The following RAB3C variants were observed in gnomAD, a reference collection of about 807,000 sequenced individuals.
RAB3C encodes the protein ras-related protein Rab-3C.
Under a neutral mutation model 26.4 loss-of-function variants are expected in RAB3C, and 17 were observed. The observed-to-expected ratio is 0.64, with a 90% confidence interval of 0.44 to 0.97. The LOEUF (loss-of-function observed/expected upper bound fraction) is 0.97. Ranked by LOEUF, RAB3C falls within the 50% of genes least tolerant of loss-of-function variation. The pLI is 0.00. For synonymous variants in RAB3C, 91 were observed against 95.9 expected, an observed-to-expected ratio of 0.95 and a Z score of 0.30; for missense variants, 242 against 281.9, an observed-to-expected ratio of 0.86 and a Z score of 1.01.
intron 3 of RAB3C, among the ~76,000 whole-genome samples, chr5:58,797,455 TG>T (rs1742698780): frequency 6.7e-6 from 1 of 149,856 alleles, no homozygotes; most frequent in Admixed American, 6.7e-5. Flanking sequence ...GTAGTGCTGC[TG>T]CCTCCACTTC....
chr5:58,784,582 A>T (rs1259163843), intron 3 of RAB3C: 1 of 146,530 alleles, frequency 6.8e-6, no homozygotes, highest in African/African-American at 2.6e-5. Flanking sequence ...CATTAAAGAA[A>T]AAAATGTGTT....
intron 4 of RAB3C, among the ~76,000 whole-genome samples, chr5:58,830,122 TTC>T (rs1743580084): frequency 6.6e-6 from 1 of 152,210 alleles, no homozygotes; most frequent in African/African-American, 2.4e-5. Context: ...AAAAGATACA[TTC>T]TATGTCTATA....
intron 3 of RAB3C, among the ~76,000 whole-genome samples, chr5:58,738,486 G>A (rs543845343): frequency 6.6e-6 from 1 of 152,204 alleles, no homozygotes; most frequent in East Asian, 1.9e-4. Context: ...TTAATGTGCT[G>A]ATTATGTGTA....
At position 58,813,590 on chromosome 5, in the gene RAB3C, AT is replaced by A. The variant is rs11396797; in HGVS notation, c.372-11445del. 1.5e-3 allele frequency among the ~76,000 whole-genome samples: 50 copies of A among 34,306 alleles called. 1 individual carries two copies. The highest frequency in any genetic ancestry group is 5.7e-3 in the Admixed American group (15 of 2,624). The allele number at this position is 34,306 out of a possible 152,430, so 22.5% of individuals were successfully genotyped here. A position where few individuals can be genotyped will look rare whatever the true frequency, so the allele number is the denominator to read the frequency against. On this transcript the variant is annotated intron_variant, in intron 3 of 4. Coordinates refer to ENST00000282878, the MANE Select transcript of RAB3C (RefSeq NM_138453.4). Reference sequence around the variant, plus strand: ...GTTGTTATGGTTAATTTATATTTATATTTATATATATATATATATATATATA... The same window carrying A: ...GTTGTTATGGTTAATTTATATTTATATTATATATATATATATATATATATA...
intron 2 of RAB3C, among the ~76,000 whole-genome samples, chr5:58,664,436 G>A (rs199532214): frequency 9.9e-5 from 15 of 152,104 alleles, no homozygotes; most frequent in African/African-American, 2.9e-4. Flanking sequence ...TAGAAATGGC[G>A]AACCATTTCA....
rs1183303861 is a variant in RAB3C, at chr5:58,810,380, T to TCG, written c.372-14657_372-14656insGC. 1.1e-4 allele frequency among the ~76,000 whole-genome samples: 16 copies of TCG among 141,282 alleles called. 1 individual carries two copies. Among genetic ancestry groups the TCG allele is most frequent in the East Asian group, 2.2e-4 (1 of 4,558 alleles). 92.7% of individuals were successfully genotyped at this position (141,282 alleles called of 152,430 possible). ...ACTCTGTGTGCTCTCTCTCTCTCTCTCTCTCTGTGTGTGTGTGTGTGTGTG... is the reference window on the plus strand; with the variant it reads ...ACTCTGTGTGCTCTCTCTCTCTCTCTCGCTCTCTGTGTGTGTGTGTGTGTGTG... On this transcript the variant is annotated intron_variant, in intron 3 of 4. Transcript: ENST00000282878.
chr5:58,595,324 G>A (rs1391310932), intron 1 of RAB3C, among the ~76,000 whole-genome samples: 2 of 152,182 alleles, frequency 1.3e-5, no homozygotes, highest in Non-Finnish European at 2.9e-5. Flanking sequence ...TGACTGGGCA[G>A]ACTGGGCATT....
chr5:58,835,660 T>A (rs1343965414), intron 4 of RAB3C, among the ~76,000 whole-genome samples: 4 of 152,220 alleles, frequency 2.6e-5, no homozygotes, highest in African/African-American at 9.6e-5. Context: ...TTTGGTGAAA[T>A]GTTTAAAAAT....
chr5:58,720,416 T>G (rs983480458), intron 2 of RAB3C, among the ~76,000 whole-genome samples: 1 of 151,930 alleles, frequency 6.6e-6, no homozygotes, highest in African/African-American at 2.4e-5. Context: ...TAAAATATAC[T>G]GAGCATAATT....
chr5:58,609,694 A>G (rs1235495246), intron 1 of RAB3C, among the ~76,000 whole-genome samples: 1 of 152,220 alleles, frequency 6.6e-6, no homozygotes, highest in African/African-American at 2.4e-5. Flanking sequence ...TTGCATCTTG[A>G]AAGCATTACC....
At chr5:58,650,248 C>T (rs1193261659) in intron 2 of RAB3C, among the ~76,000 whole-genome samples, 1 of 152,042 alleles carries the variant, frequency 6.6e-6, no homozygotes, top group Non-Finnish European at 1.5e-5. Context: ...TAACTCTGGT[C>T]TCCATTCAAA....
chr5:58,851,855 T>C lies in RAB3C; in HGVS notation c.*504T>C, dbSNP rs1389590734. ...GAAAATCAAATGGAAGTTTTTCTCA[T>C]GATTAGGGACGCTGTCACGAGTCTG... On this transcript the variant is annotated 3_prime_UTR_variant, in exon 5 of 5. Coordinates refer to ENST00000282878, the MANE Select transcript of RAB3C (RefSeq NM_138453.4). 1 of 152,212 alleles carries C rather than the reference T, an allele frequency of 6.6e-6. No individual in the cohort carries two copies. Among genetic ancestry groups the C allele is most frequent in the Non-Finnish European group, 1.5e-5 (1 of 68,076 alleles). The allele number at this position is 152,212 out of a possible 1,614,324, so 9.4% of individuals were successfully genotyped here.
At chr5:58,712,624 A>C (rs1361984727) in intron 2 of RAB3C, among the ~76,000 whole-genome samples, 1 of 152,138 alleles carries the variant, frequency 6.6e-6, no homozygotes, top group Non-Finnish European at 1.5e-5. Context: ...TCCCGGGTTC[A>C]AGCGATTCTC....
intron 2 of RAB3C, among the ~76,000 whole-genome samples, chr5:58,650,352 G>T (rs1747618078): frequency 6.6e-6 from 1 of 152,122 alleles, no homozygotes; most frequent in Non-Finnish European, 1.5e-5. Flanking sequence ...TAAGAGAAAT[G>T]AAGTGAGACA....
chr5:58,725,859 G>C (rs1248511768), intron 2 of RAB3C, 143 bp from the exon 3 acceptor site: 1 of 480,674 alleles, frequency 2.1e-6, no homozygotes. Flanking sequence ...ATCATTAGGG[G>C]AAACAAGACC....
At chr5:58,590,474 ATACT>A (rs1308462518) in intron 1 of RAB3C, among the ~76,000 whole-genome samples, 9 of 152,048 alleles carry the variant, frequency 5.9e-5, no homozygotes, top group Admixed American at 2.6e-4. Flanking sequence ...TGTGTTTCTT[ATACT>A]TACTTAGTAG....
intron 1 of RAB3C, among the ~76,000 whole-genome samples, chr5:58,599,447 A>G (rs554867745): frequency 6.6e-6 from 1 of 152,192 alleles, no homozygotes; most frequent in East Asian, 1.9e-4. Context: ...GTCAGGGTCT[A>G]GGGGCTCTCC....
chr5:58,780,664 CTG>C (rs1179194186), intron 3 of RAB3C, among the ~76,000 whole-genome samples: 1 of 152,094 alleles, frequency 6.6e-6, no homozygotes, highest in African/African-American at 2.4e-5. Flanking sequence ...AAAATTCAGA[CTG>C]TGGCTGTGTG....
At chr5:58,749,008 G>GA (rs1741464259) in intron 3 of RAB3C, among the ~76,000 whole-genome samples, 2 of 151,864 alleles carry the variant, frequency 1.3e-5, no homozygotes, top group Admixed American at 1.3e-4. Context: ...CCAGAAAATT[G>GA]AAAAAAACCT....
Sources: gnomAD v4.1 joint callset for allele counts (sites outside exome capture counted in the v4.1 genomes callset) on GRCh38, gnomAD v4.1.1 for gene constraint, MANE v1.5 for transcripts, NCBI Gene and HGNC (gene_info 2026-07-23, HGNC 2026-07-21) for gene names.